Variants in CTNS observed in about 807,000 individuals in gnomAD.
CTNS encodes the protein cystinosin.
In CTNS, 27 loss-of-function variants were observed where a neutral mutation model predicts 43.7. That is an observed-to-expected ratio of 0.62 (90% CI 0.46 to 0.85). The LOEUF is 0.85. CTNS is among the 40% of genes least tolerant of loss of function. The pLI, the probability that CTNS is intolerant of heterozygous loss-of-function variation, is 0.00. For synonymous variants in CTNS, 187 were observed against 190.6 expected (o/e 0.98, Z 0.16); for missense variants, 457 against 475.4 (o/e 0.96, Z 0.36).
In CTNS at chr17:3,657,803, C is replaced by T. The variant is rs547567177; in HGVS notation, c.682-202C>T. On this transcript the variant is annotated intron_variant, in intron 9 of 11. Coordinates refer to ENST00000046640, the MANE Select transcript of CTNS (RefSeq NM_004937.3). ...TGGTTGGTGCTGGGGATGTCCAGCA[C>T]CAGCCCAGGTGTGATGCTTTCTGTG... The T allele has an allele frequency of 1.3e-5, 8 of 615,288 alleles. 1 individual carries two copies. The highest frequency in any genetic ancestry group is 2.0e-5 in the Non-Finnish European group (7 of 345,758). 38.1% of individuals were successfully genotyped at this position (615,288 alleles called of 1,614,324 possible).
chr17:3,656,937 AC>A (rs1314594476), intron 9 of CTNS, 142 bp downstream of exon 9: 1 of 1,369,172 alleles, frequency 7.3e-7, no homozygotes, highest in Non-Finnish European at 1.0e-6. Context: ...CATAGAAGAC[AC>A]CCATGAGTCC....
intron 5 of CTNS, among the ~76,000 whole-genome samples, chr17:3,654,205 C>T (rs437287): frequency 0.23 from 34,792 of 152,120 alleles, 4,823 homozygotes; most frequent in East Asian, 0.51. Context: ...TCATTCATGG[C>T]AGCCCTGAAG....
chr17:3,640,868 C>T (rs2075668692), intron 3 of CTNS, among the ~76,000 whole-genome samples: 1 of 152,136 alleles, frequency 6.6e-6, no homozygotes, highest in South Asian at 2.1e-4. Context: ...CACACTACTG[C>T]ACTCCGGCCT....
At chr17:3,660,162 C>T (rs1036286058) in intron 11 of CTNS, 74 bp from the exon 12 acceptor site, 4 of 1,602,980 alleles carry the variant, frequency 2.5e-6, no homozygotes, top group South Asian at 2.2e-5. Context: ...CCCCACCGCC[C>T]ACCACCCCAC....
intron 5 of CTNS, among the ~76,000 whole-genome samples, chr17:3,649,767 A>C (rs1597626465): frequency 2.0e-5 from 3 of 149,330 alleles, no homozygotes; most frequent in Admixed American, 6.8e-5. Context: ...CTCCCACCTT[A>C]CTGAGCATTT....
chr17:3,653,212 G>A (rs1425011923), intron 5 of CTNS, among the ~76,000 whole-genome samples: 1 of 152,116 alleles, frequency 6.6e-6, no homozygotes, highest in East Asian at 1.9e-4. Flanking sequence ...AGAAGATCGA[G>A]ACCAGCCTGG....
At position 3,662,970 on chromosome 17, in the gene CTNS, C is replaced by T. The variant is rs2076297883; in HGVS notation, c.*2601C>T. ...GGTTTCCACGGTAACCAAAGTAAGG[C>T]TTGTGCACTTGCTGAGCTTCCAGAT... On this transcript the variant is annotated 3_prime_UTR_variant, in exon 12 of 12. Coordinates refer to ENST00000046640, the MANE Select transcript of CTNS (RefSeq NM_004937.3). 6.6e-6 allele frequency: 1 copy of T among 152,190 alleles called. No individual in the cohort carries two copies. The highest frequency in any genetic ancestry group is 2.4e-5 in the African/African-American group (1 of 41,440). 9.4% of individuals were successfully genotyped at this position (152,190 alleles called of 1,614,324 possible). A position where few individuals can be genotyped will look rare whatever the true frequency, so the allele number is the denominator to read the frequency against.
At chr17:3,651,771 A>C (rs879036829) in intron 5 of CTNS, among the ~76,000 whole-genome samples, 7 of 151,778 alleles carry the variant, frequency 4.6e-5, no homozygotes, top group Admixed American at 3.9e-4. Flanking sequence ...TCAGGAGTTC[A>C]AGACCAGCCT....
Position 3,660,453 on chromosome 17 carries a change from G to A in CTNS, c.*84G>A. 6.2e-7 allele frequency: 1 copy of A among 1,613,346 alleles called. No individual in the cohort carries two copies. The highest frequency in any genetic ancestry group is 8.5e-7 in the Non-Finnish European group (1 of 1,180,020). On this transcript the variant is annotated 3_prime_UTR_variant, in exon 12 of 12. Transcript: ENST00000046640. ...CCCAGCGAAGGCCGGAGAAGCGGTT[G>A]GGCCCTGGCACACAGGGCTGGCTCA...
rs929066743 is a variant in CTNS, at chr17:3,659,745, C to T, written c.853-113C>T. 198 of 779,196 alleles carry T rather than the reference C, an allele frequency of 2.5e-4. 1 individual carries two copies. The highest frequency in any genetic ancestry group is 1.1e-3 in the Middle Eastern group (4 of 3,584). The allele number at this position is 779,196 out of a possible 1,614,324, so 48.3% of individuals were successfully genotyped here. ...GGTCACCGTGTCCTTGGAGCCAAGGCCCCAGTGGGAGGAATGAGAACCGCT... is the reference window on the plus strand; with the variant it reads ...GGTCACCGTGTCCTTGGAGCCAAGGTCCCAGTGGGAGGAATGAGAACCGCT... On this transcript the variant is annotated intron_variant, in intron 10 of 11. Coordinates refer to ENST00000046640, the MANE Select transcript of CTNS (RefSeq NM_004937.3).
Position 3,648,977 on chromosome 17 carries a change from A to G in CTNS, c.225+46A>G, listed in dbSNP as rs1188185642. ...GATGGGTAGGGAAATGCTAGGTAAC[A>G]GAACACATTTGAATTAAGAGCTGGT... On this transcript the variant is annotated intron_variant, in intron 5 of 11. Transcript: ENST00000046640. 3 of 1,464,400 alleles carry G rather than the reference A, an allele frequency of 2.0e-6. No homozygotes were observed. In the Admixed American group the frequency reaches 5.0e-5, roughly 24 times the overall value. The allele number at this position is 1,464,400 out of a possible 1,614,324, so 90.7% of individuals were successfully genotyped here.
At chr17:3,659,106 A>G (rs750305122) in intron 10 of CTNS, among the ~76,000 whole-genome samples, 1 of 152,134 alleles carries the variant, frequency 6.6e-6, no homozygotes, top group African/African-American at 2.4e-5. Context: ...GGCAGCAGCA[A>G]GTACGGAAGA....
At chr17:3,652,607 G>A (rs1036974449) in intron 5 of CTNS, among the ~76,000 whole-genome samples, 2 of 151,994 alleles carry the variant, frequency 1.3e-5, no homozygotes, top group Non-Finnish European at 2.9e-5. Flanking sequence ...AATAAAAAAT[G>A]TCTAGGATTG....
intron 9 of CTNS, 174 bp downstream of exon 9, chr17:3,656,969 G>A (rs1189189976): frequency 2.0e-6 from 2 of 1,022,452 alleles, no homozygotes; most frequent in Non-Finnish European, 2.9e-6. Context: ...AGCCCCCCAA[G>A]TCTGGGGTGA....
rs374068354 is a variant in CTNS at position 3,640,286 on chromosome 17, C to T, written c.61+19C>T. On this transcript the variant is annotated intron_variant, in intron 3 of 11. Transcript: ENST00000046640. ...AAATGTGGTAAGTTTAGAAATGACA[C>T]GTCAACTTTGTAAAGAGGGAAATGG... 39 of 1,610,644 alleles carry T rather than the reference C, an allele frequency of 2.4e-5. No homozygotes were observed. The African/African-American group carries it at 3.5e-4, about 14-fold the overall frequency.
rs533984164 is a variant in CTNS, at chr17:3,660,157, C to T, written c.971-79C>T. Reference sequence around the variant, plus strand: ...GCTTTGTGGTTTTCTGGGACCCCCACCGCCCACCACCCCACAAGCTCCAGC... The same window carrying T: ...GCTTTGTGGTTTTCTGGGACCCCCATCGCCCACCACCCCACAAGCTCCAGC... On this transcript the variant is annotated intron_variant, in intron 11 of 11. Transcript: ENST00000046640. 1.2e-4 allele frequency: 194 copies of T among 1,595,978 alleles called. No homozygotes were observed. In the African/African-American group the frequency reaches 2.3e-3, roughly 19 times the overall value.
chr17:3,647,531 C>T lies in CTNS; in HGVS notation c.140+9C>T, dbSNP rs1567701450. On this transcript the variant is annotated intron_variant, in intron 4 of 11. Transcript: ENST00000046640. ...GTCAGCCTCACCCTGCGGTAAGTTC[C>T]TGGGCCTGGCGCTGTGCTCAGCTCC... 2 of 1,613,710 alleles carry T rather than the reference C, an allele frequency of 1.2e-6. No individual in the cohort carries two copies. Among genetic ancestry groups the T allele is most frequent in the Admixed American group, 3.3e-5 (2 of 60,030 alleles).
intron 3 of CTNS, 111 bp from the exon 4 acceptor site, chr17:3,647,333 G>C (rs956246985): frequency 2.2e-6 from 2 of 903,358 alleles, no homozygotes; most frequent in East Asian, 4.9e-5. Context: ...AATAGGGCTC[G>C]TCAGAGAGTC....
intron 3 of CTNS, among the ~76,000 whole-genome samples, chr17:3,643,808 C>G (rs1023966370): frequency 1.4e-4 from 22 of 152,264 alleles, no homozygotes; most frequent in African/African-American, 4.8e-4. Flanking sequence ...CTCAAGTGAT[C>G]TGACCGCCTC....
Sources: allele counts gnomAD v4.1 joint callset (sites outside exome capture counted in the v4.1 genomes callset), GRCh38; gene constraint gnomAD v4.1.1; transcripts MANE v1.5; gene names NCBI Gene and HGNC (gene_info 2026-07-23, HGNC 2026-07-21).